DGKI: variants seen among roughly 807,000 people sequenced by gnomAD.
The protein encoded by DGKI is DAG kinase iota.
Under a neutral mutation model 147.5 loss-of-function variants are expected in DGKI, and 55 were observed. The observed-to-expected ratio is 0.37, with a 90% CI of 0.30 to 0.47. The LOEUF (loss-of-function observed/expected upper bound fraction) is 0.47. DGKI is among the 20% of genes least tolerant of loss of function. The pLI is 1.00. For missense variants in DGKI, 1,007 were observed against 1,323.8 expected, an observed-to-expected ratio of 0.76 and a Z score of 3.71; for synonymous variants, 469 against 477.1, an observed-to-expected ratio of 0.98 and a Z score of 0.22.
At chr7:137,694,889 T>G (rs1323051005) in intron 1 of DGKI, among the ~76,000 whole-genome samples, 1 of 152,166 alleles carries the variant, frequency 6.6e-6, no homozygotes, top group Non-Finnish European at 1.5e-5. Flanking sequence ...GAACAAACTG[T>G]GCGTAATTAT....
intron 28 of DGKI, among the ~76,000 whole-genome samples, chr7:137,419,245 G>A (rs1161267777): frequency 6.6e-6 from 1 of 152,124 alleles, no homozygotes; most frequent in East Asian, 1.9e-4. Context: ...CAGTTTTAAG[G>A]CCCAACTTTT....
At chr7:137,698,749 C>T (rs1823879710) in intron 1 of DGKI, among the ~76,000 whole-genome samples, 1 of 151,934 alleles carries the variant, frequency 6.6e-6, no homozygotes, top group Non-Finnish European at 1.5e-5. Context: ...ATGAATGGGA[C>T]GATTGATATT....
chr7:137,735,746 T>C (rs778406593), intron 1 of DGKI, among the ~76,000 whole-genome samples: 25 of 152,014 alleles, frequency 1.6e-4, no homozygotes, highest in Non-Finnish European at 2.8e-4. Flanking sequence ...CCTCAACTCT[T>C]AGTACTCCAA....
chr7:137,440,396 T>C (rs1319293329), intron 28 of DGKI, among the ~76,000 whole-genome samples: 2 of 152,240 alleles, frequency 1.3e-5, no homozygotes, highest in Non-Finnish European at 2.9e-5. Flanking sequence ...GAAGTTGTTA[T>C]TTTTGTTCTG....
intron 1 of DGKI, among the ~76,000 whole-genome samples, chr7:137,747,664 G>C (rs1038882934): frequency 6.6e-6 from 1 of 151,900 alleles, no homozygotes; most frequent in Non-Finnish European, 1.5e-5. Flanking sequence ...TGCTTTGTAC[G>C]TGTGTTTTGT....
At chr7:137,699,776 T>G (rs1823914269) in intron 1 of DGKI, among the ~76,000 whole-genome samples, 1 of 152,166 alleles carries the variant, frequency 6.6e-6, no homozygotes, top group African/African-American at 2.4e-5. Context: ...CTAGCACACT[T>G]GGTCCCTTCC....
At chr7:137,581,386 T>C (rs1458826814) in intron 15 of DGKI, among the ~76,000 whole-genome samples, 2 of 152,162 alleles carry the variant, frequency 1.3e-5, no homozygotes, top group African/African-American at 4.8e-5. Context: ...TTGTTTCTTT[T>C]ATACAAACAG....
At chr7:137,550,110 A>T (rs1196316368) in intron 20 of DGKI, among the ~76,000 whole-genome samples, 1 of 151,780 alleles carries the variant, frequency 6.6e-6, no homozygotes, top group Non-Finnish European at 1.5e-5. Flanking sequence ...TGCAGGCATC[A>T]CTGCCTCTGG....
intron 1 of DGKI, among the ~76,000 whole-genome samples, chr7:137,808,501 C>A (rs561880440): frequency 2.6e-5 from 4 of 152,146 alleles, no homozygotes; most frequent in Non-Finnish European, 4.4e-5. Context: ...TCATTAAGTG[C>A]CTGCTATGCA....
At chr7:137,638,974 G>C (rs1821522497) in intron 6 of DGKI, among the ~76,000 whole-genome samples, 1 of 151,926 alleles carries the variant, frequency 6.6e-6, no homozygotes, top group Non-Finnish European at 1.5e-5. Context: ...CCAAATATGA[G>C]GTGCACATTT....
intron 1 of DGKI, among the ~76,000 whole-genome samples, chr7:137,788,680 A>ACACACACACC (rs1417525541): frequency 7.7e-6 from 1 of 129,602 alleles, no homozygotes; most frequent in African/African-American, 3.0e-5. Context: ...ACACACACAC[A>ACACACACACC]CCTCCATCCC....
chr7:137,730,356 A>G (rs1794840294), intron 1 of DGKI, among the ~76,000 whole-genome samples: 7 of 152,040 alleles, frequency 4.6e-5, no homozygotes, highest in Admixed American at 2.6e-4. Flanking sequence ...CTTGGTAACT[A>G]TGCTCAATTC....
At chr7:137,610,491 T>A (rs977550184) in intron 8 of DGKI, among the ~76,000 whole-genome samples, 1 of 152,230 alleles carries the variant, frequency 6.6e-6, no homozygotes, top group Non-Finnish European at 1.5e-5. Flanking sequence ...ACCCACTGAT[T>A]GAAGACAAGA....
chr7:137,635,307 C>T (rs1004672246), intron 6 of DGKI, among the ~76,000 whole-genome samples: 2 of 152,168 alleles, frequency 1.3e-5, no homozygotes, highest in African/African-American at 4.8e-5. Flanking sequence ...CAAAAGACAC[C>T]AAAGCTGAGA....
intron 32 of DGKI, among the ~76,000 whole-genome samples, chr7:137,393,194 G>T (rs919517635): frequency 6.7e-6 from 1 of 148,838 alleles, no homozygotes; most frequent in African/African-American, 2.4e-5. Flanking sequence ...TCTATGTGAG[G>T]GGTTTATAAT....
At chr7:137,749,901 A>G (rs1585441379) in intron 1 of DGKI, among the ~76,000 whole-genome samples, 1 of 152,288 alleles carries the variant, frequency 6.6e-6, no homozygotes, top group East Asian at 1.9e-4. Context: ...CCTGGTGTGG[A>G]TAAGCCTATG....
At chr7:137,598,808 C>T (rs1409449739) in intron 11 of DGKI, among the ~76,000 whole-genome samples, 3 of 151,960 alleles carry the variant, frequency 2.0e-5, no homozygotes, top group Non-Finnish European at 4.4e-5. Flanking sequence ...TAAAATGGCA[C>T]ATCCCAGGAT....
At chr7:137,800,003 A>G (rs1283663139) in intron 1 of DGKI, among the ~76,000 whole-genome samples, 1 of 152,210 alleles carries the variant, frequency 6.6e-6, no homozygotes, top group Non-Finnish European at 1.5e-5. Context: ...TTAGAAATAA[A>G]ACAGGAAGCA....
intron 27 of DGKI, among the ~76,000 whole-genome samples, chr7:137,450,796 T>C (rs1585126801): frequency 6.6e-6 from 1 of 151,346 alleles, no homozygotes; most frequent in East Asian, 1.9e-4. Context: ...TATACACATA[T>C]ATATATATTT....
Sources: allele counts gnomAD v4.1 joint callset (sites outside exome capture counted in the v4.1 genomes callset), GRCh38; gene constraint gnomAD v4.1.1; transcripts MANE v1.5; gene names NCBI Gene and HGNC (gene_info 2026-07-23, HGNC 2026-07-21).